Variants in BSDC1 observed in about 807,000 individuals in gnomAD.
BSDC1 encodes the protein BSD domain-containing protein 1.
In BSDC1, 29 loss-of-function variants were observed where a neutral mutation model predicts 56.0. The ratio of observed to expected loss-of-function variants is 0.52; its 90% CI spans 0.39 to 0.71. The LOEUF (loss-of-function observed/expected upper bound fraction) is 0.71, where lower values mean the gene tolerates loss of function less well. BSDC1 is among the 30% of genes least tolerant of loss of function. The pLI is 0.00. For synonymous variants in BSDC1, 210 were observed against 215.3 expected (o/e 0.98, Z 0.21); for missense variants, 477 against 548.5 (o/e 0.87, Z 1.30).
Position 32,369,242 on chromosome 1 carries a change from A to C in BSDC1, c.1157-692T>G, listed in dbSNP as rs528119711. On this transcript the variant is annotated intron_variant, in intron 9 of 10. Transcript: ENST00000455895. ...CTTAAACTATTACCTCGGAAAAGGCAGGTTACTAAAGAGCGGAGAAGCACT... is the reference window on the plus strand; with the variant it reads ...CTTAAACTATTACCTCGGAAAAGGCCGGTTACTAAAGAGCGGAGAAGCACT... The C allele has an allele frequency of 7.8e-6, 10 of 1,288,736 alleles. No individual in the cohort carries two copies. In the East Asian group the frequency reaches 5.0e-4, roughly 64 times the overall value. The allele number at this position is 1,288,736 out of a possible 1,614,324, so 79.8% of individuals were successfully genotyped here. A position where few individuals can be genotyped will look rare whatever the true frequency, so the allele number is the denominator to read the frequency against.
chr1:32,367,556 GTTC>G (rs1277876898), intron 10 of BSDC1: 1 of 985,244 alleles, frequency 1.0e-6, no homozygotes, highest in African/African-American at 1.7e-5. Flanking sequence ...GACTCATGTG[GTTC>G]TTATGTGACA....
chr1:32,383,720 C>T, intron 4 of BSDC1, 110 bp downstream of exon 4: 2 of 788,174 alleles, frequency 2.5e-6, no homozygotes, highest in Admixed American at 2.5e-5. Context: ...AATAATATAC[C>T]CATATTTATT....
chr1:32,386,747 C>A, intron 3 of BSDC1, 32 bp downstream of exon 3: 1 of 1,561,670 alleles, frequency 6.4e-7, no homozygotes, highest in Non-Finnish European at 8.8e-7. Context: ...TTGCGAGGGG[C>A]AGTTACTTGG....
chr1:32,366,800 A>G (rs547147919), intron 10 of BSDC1, 146 bp from the exon 11 acceptor site: 78 of 1,401,586 alleles, frequency 5.6e-5, no homozygotes, highest in Non-Finnish European at 6.9e-5. Context: ...GTGAACCCCT[A>G]GTCTTAAGGA....
intron 2 of BSDC1, among the ~76,000 whole-genome samples, chr1:32,388,048 C>T (rs531243828): frequency 6.6e-6 from 1 of 152,342 alleles, no homozygotes; most frequent in African/African-American, 2.4e-5. Context: ...ACCCTCAGCT[C>T]ACTTCTAGGT....
intron 3 of BSDC1, among the ~76,000 whole-genome samples, chr1:32,386,232 T>C (rs760806929): frequency 2.8e-5 from 4 of 142,558 alleles, no homozygotes; most frequent in Non-Finnish European, 6.0e-5. Context: ...GGCAGGAGAA[T>C]AGCATGAACC....
intron 3 of BSDC1, among the ~76,000 whole-genome samples, chr1:32,385,312 T>C (rs562453835): frequency 4.6e-5 from 7 of 152,222 alleles, no homozygotes; most frequent in African/African-American, 1.4e-4. Context: ...GGGACAAGGA[T>C]TGAAAAACTA....
At chr1:32,389,168 A>G (rs956327045) in intron 2 of BSDC1, among the ~76,000 whole-genome samples, 2 of 151,970 alleles carry the variant, frequency 1.3e-5, no homozygotes, top group East Asian at 3.9e-4. Flanking sequence ...GTTAGCCAGG[A>G]TGGTCTCGAT....
At chr1:32,382,083 C>A (rs915033979) in intron 4 of BSDC1, among the ~76,000 whole-genome samples, 1 of 151,868 alleles carries the variant, frequency 6.6e-6, no homozygotes, top group African/African-American at 2.4e-5. Flanking sequence ...AAAAATTAGC[C>A]GGGCATGGTG....
chr1:32,368,146 A>C, intron 10 of BSDC1: 1 of 1,417,354 alleles, frequency 7.1e-7, no homozygotes, highest in Non-Finnish European at 9.2e-7. Flanking sequence ...TGTTGGGATT[A>C]CAGGTGTGAG....
At chr1:32,377,068 G>A (rs1024342513) in intron 8 of BSDC1, among the ~76,000 whole-genome samples, 3 of 152,140 alleles carry the variant, frequency 2.0e-5, no homozygotes, top group Non-Finnish European at 2.9e-5. Context: ...CCCGGGAGGC[G>A]GTGGTTGCAG....
At position 32,365,026 on chromosome 1, in the gene BSDC1, C is replaced by T. The variant is rs1641792617; in HGVS notation, c.*1596G>A. 1 of 152,218 alleles carries T rather than the reference C, an allele frequency of 6.6e-6. No individual in the cohort carries two copies. The highest frequency in any genetic ancestry group is 1.5e-5 in the Non-Finnish European group (1 of 68,072). The allele number at this position is 152,218 out of a possible 1,614,324, so 9.4% of individuals were successfully genotyped here. ...CCTAGGCTATCCCCCTACCCTGTCT[C>T]TGGCTCCAAGTGGGAAGCCAGTCCT... On this transcript the variant is annotated 3_prime_UTR_variant, in exon 11 of 11. Transcript: ENST00000455895.
At chr1:32,383,662 A>G (rs1233691672) in intron 4 of BSDC1, among the ~76,000 whole-genome samples, 168 bp downstream of exon 4, 1 of 152,208 alleles carries the variant, frequency 6.6e-6, no homozygotes, top group Non-Finnish European at 1.5e-5. Flanking sequence ...TGTGAGTTTA[A>G]AAATAATTAT....
At chr1:32,377,134 T>A (rs545346404) in intron 8 of BSDC1, among the ~76,000 whole-genome samples, 1 of 151,182 alleles carries the variant, frequency 6.6e-6, no homozygotes. Context: ...AGACTCTGCC[T>A]CAAAACGAAA....
chr1:32,391,018 A>C (rs1175520504), intron 2 of BSDC1, among the ~76,000 whole-genome samples: 1 of 151,952 alleles, frequency 6.6e-6, no homozygotes, highest in East Asian at 1.9e-4. Context: ...TGGACAGAGC[A>C]ATGGGCTGAG....
chr1:32,381,107 A>T, intron 5 of BSDC1, 107 bp downstream of exon 5: 2 of 1,044,600 alleles, frequency 1.9e-6, no homozygotes, highest in Non-Finnish European at 2.9e-6. Flanking sequence ...TGGTCTCCCT[A>T]CATAGGGGGT....
chr1:32,367,668 T>C (rs2148105497), intron 10 of BSDC1: 1 of 985,698 alleles, frequency 1.0e-6, no homozygotes, highest in East Asian at 1.1e-4. Flanking sequence ...CCTCTCAATC[T>C]AAATGAGCCA....
chr1:32,382,229 A>C (rs1229916244), intron 4 of BSDC1, among the ~76,000 whole-genome samples: 1 of 151,282 alleles, frequency 6.6e-6, no homozygotes, highest in African/African-American at 2.4e-5. Flanking sequence ...TCCATCTCAA[A>C]AAAAAAAAAA....
intron 9 of BSDC1, among the ~76,000 whole-genome samples, chr1:32,372,066 C>T (rs1333785315): frequency 2.0e-5 from 3 of 152,096 alleles, no homozygotes; most frequent in Admixed American, 6.6e-5. Flanking sequence ...CTGGCCCTGC[C>T]GTTTGAGAAA....
Sources: gnomAD v4.1 joint callset for allele counts (sites outside exome capture counted in the v4.1 genomes callset) on GRCh38, gnomAD v4.1.1 for gene constraint, MANE v1.5 for transcripts, NCBI Gene and HGNC (gene_info 2026-07-23, HGNC 2026-07-21) for gene names.